ATP10B: variants seen among roughly 807,000 people sequenced by gnomAD.
ATP10B encodes the protein phospholipid-transporting ATPase VB.
In ATP10B, 122 loss-of-function variants were observed where a neutral mutation model predicts 141.2. The observed-to-expected ratio is 0.86, with a 90% CI of 0.75 to 1.00. The LOEUF (loss-of-function observed/expected upper bound fraction) is 1.00. ATP10B is among the 50% of genes least tolerant of loss of function. The probability of loss-of-function intolerance (pLI) is 0.00; values close to 1 mark genes in which losing one functional copy is unlikely to be tolerated. For synonymous variants in ATP10B, 685 were observed against 692.0 expected (o/e 0.99, Z 0.16); for missense variants, 1,876 against 1,825.3 (o/e 1.03, Z -0.51).
chr5:160,672,349 C>G (rs1405237768), intron 6 of ATP10B, among the ~76,000 whole-genome samples: 5 of 152,162 alleles, frequency 3.3e-5, no homozygotes, highest in African/African-American at 1.2e-4. Flanking sequence ...AACAGTTCTG[C>G]TCTTCCAGGT....
At position 160,830,441 on chromosome 5, in the gene ATP10B, T is replaced by G. The variant is rs143206921; in HGVS notation, c.-576+21500A>C. Among the ~76,000 whole-genome samples the G allele has an allele frequency of 4.0e-3, 608 of 152,252 alleles. 6 individuals are homozygous for G. The highest frequency in any genetic ancestry group is 0.014 in the African/African-American group (574 of 41,576). On this transcript the variant is annotated intron_variant, in intron 1 of 25. Coordinates refer to ENST00000327245, the MANE Select transcript of ATP10B (RefSeq NM_025153.3). ...GCTGAATAAATACATGTTTTCTGTA[T>G]ATGGCAAATTGTAATAGTGACACCA...
intron 2 of ATP10B, among the ~76,000 whole-genome samples, chr5:160,768,263 C>T (rs113627434): frequency 9.2e-5 from 14 of 152,246 alleles, no homozygotes; most frequent in African/African-American, 2.2e-4. Flanking sequence ...CTAGAAGTCA[C>T]GTGGCATCCT....
chr5:160,631,658 A>C (rs1040809854), intron 13 of ATP10B, among the ~76,000 whole-genome samples: 2 of 152,256 alleles, frequency 1.3e-5, no homozygotes, highest in African/African-American at 4.8e-5. Flanking sequence ...AAACATAAGC[A>C]TAACAAATAT....
At chr5:160,763,450 T>C (rs1249060017) in intron 2 of ATP10B, among the ~76,000 whole-genome samples, 1 of 152,110 alleles carries the variant, frequency 6.6e-6, no homozygotes, top group Non-Finnish European at 1.5e-5. Flanking sequence ...AACAATCTGC[T>C]CCTGAATGAT....
In ATP10B at chr5:160,716,030, G is replaced by A. The variant is rs566624347; in HGVS notation, c.-205+879C>T. 2.5e-4 allele frequency among the ~76,000 whole-genome samples: 38 copies of A among 152,190 alleles called. 1 individual carries two copies. Among genetic ancestry groups the A allele is most frequent in the African/African-American group, 7.9e-4 (33 of 41,524 alleles). ...GGCCAGAATTTAGTTTTATTAAGCC[G>A]TGTTGAAAGTGCACATGTTCTTAGA... On this transcript the variant is annotated intron_variant, in intron 3 of 25. Transcript: ENST00000327245.
chr5:160,663,010 T>A (rs1004708686), intron 7 of ATP10B, among the ~76,000 whole-genome samples: 1 of 152,326 alleles, frequency 6.6e-6, no homozygotes, highest in South Asian at 2.1e-4. Flanking sequence ...AAAGAAGACA[T>A]TGATGCAGCC....
intron 1 of ATP10B, among the ~76,000 whole-genome samples, chr5:160,819,606 A>G (rs1773948839): frequency 6.6e-6 from 1 of 152,206 alleles, no homozygotes; most frequent in Admixed American, 6.5e-5. Context: ...ACCAATAAAA[A>G]TAATAACTAC....
intron 1 of ATP10B, among the ~76,000 whole-genome samples, chr5:160,789,969 A>T (rs1217453582): frequency 6.6e-6 from 1 of 152,168 alleles, no homozygotes; most frequent in Non-Finnish European, 1.5e-5. Context: ...TAAAGAAAAC[A>T]AAATAGGCAA....
chr5:160,905,067 C>T, the ATP10B span, among the ~76,000 whole-genome samples: 22 of 152,122 alleles, frequency 1.4e-4, no homozygotes, highest in African/African-American at 3.4e-4. Flanking sequence ...ACAGTAACTC[C>T]GGACTGGGTA....
chr5:160,873,026 G>A, the ATP10B span, among the ~76,000 whole-genome samples: 1 of 151,430 alleles, frequency 6.6e-6, no homozygotes, highest in Non-Finnish European at 1.5e-5. Context: ...GTTTCCATTT[G>A]TTTGTGTCAT....
At chr5:160,782,438 T>TACACACACACACAC (rs57112303) in intron 2 of ATP10B, among the ~76,000 whole-genome samples, 47 of 141,072 alleles carry the variant, frequency 3.3e-4, no homozygotes, top group Non-Finnish European at 5.1e-4. Context: ...TCTTCCTCCA[T>TACACACACACACAC]ACACACACAC....
intron 2 of ATP10B, among the ~76,000 whole-genome samples, chr5:160,748,190 G>A (rs1393871907): frequency 6.6e-6 from 1 of 152,038 alleles, no homozygotes; most frequent in Non-Finnish European, 1.5e-5. Context: ...CAATAAGCTT[G>A]CCCAGGACTT....
chr5:160,849,618 T>TACACACACACACACACACACACAC (rs796968833), intron 1 of ATP10B, among the ~76,000 whole-genome samples: 18 of 148,236 alleles, frequency 1.2e-4, no homozygotes, highest in South Asian at 6.5e-4. Context: ...TACTGGCAAT[T>TACACACACACACACACACACACAC]ACACACACAC....
the ATP10B span, among the ~76,000 whole-genome samples, chr5:160,876,337 C>T: frequency 8.4e-3 from 1,210 of 144,030 alleles, 8 homozygotes; most frequent in African/African-American, 9.2e-3. Context: ...TTGAAACCAA[C>T]GAGAACAAAG....
chr5:160,813,625 G>C (rs777053095), intron 1 of ATP10B, among the ~76,000 whole-genome samples: 4 of 152,186 alleles, frequency 2.6e-5, no homozygotes, highest in Non-Finnish European at 4.4e-5. Context: ...TGACAGCTTC[G>C]AAGAGAGTAG....
the ATP10B span, among the ~76,000 whole-genome samples, chr5:160,880,635 C>A: frequency 3.5e-4 from 53 of 152,102 alleles, no homozygotes; most frequent in African/African-American, 1.2e-3. Context: ...CACATAAGAC[C>A]CATGTATATA....
At chr5:160,873,858 A>G in the ATP10B span, among the ~76,000 whole-genome samples, 1 of 152,136 alleles carries the variant, frequency 6.6e-6, no homozygotes, top group Non-Finnish European at 1.5e-5. Context: ...ACGAGATTAT[A>G]TCCCACACCT....
At chr5:160,573,066 C>A (rs1461668320) in intron 24 of ATP10B, among the ~76,000 whole-genome samples, 1 of 152,128 alleles carries the variant, frequency 6.6e-6, no homozygotes, top group Non-Finnish European at 1.5e-5. Flanking sequence ...ATGTTTATGT[C>A]CTCCTACTCC....
chr5:160,838,189 C>G (rs563332270), intron 1 of ATP10B, among the ~76,000 whole-genome samples: 1 of 152,146 alleles, frequency 6.6e-6, no homozygotes, highest in Non-Finnish European at 1.5e-5. Flanking sequence ...TGGTGCTAGA[C>G]TTCCATTCTG....
Sources: allele counts gnomAD v4.1 joint callset (sites outside exome capture counted in the v4.1 genomes callset), GRCh38; gene constraint gnomAD v4.1.1; transcripts MANE v1.5; gene names NCBI Gene and HGNC (gene_info 2026-07-23, HGNC 2026-07-21).